Variants in PCDHA5 observed in about 807,000 individuals in gnomAD.
PCDHA5 encodes the protein protocadherin alpha-5.
A neutral mutation model predicts 61.6 loss-of-function variants in PCDHA5; 43 were observed. That is an observed-to-expected ratio of 0.70 (90% CI 0.55 to 0.90). The LOEUF is 0.90. PCDHA5 is among the 40% of genes least tolerant of loss of function. PCDHA5 has a pLI of 0.00. For synonymous variants in PCDHA5, 627 were observed against 543.9 expected, an observed-to-expected ratio of 1.15 and a Z score of -2.13; for missense variants, 1,298 against 1,222.7, an observed-to-expected ratio of 1.06 and a Z score of -0.92.
At chr5:140,850,686 G>C (rs2150493966) in intron 1 of PCDHA5, 4 of 1,598,520 alleles carry the variant, frequency 2.5e-6, no homozygotes, top group Non-Finnish European at 3.4e-6. Flanking sequence ...CACCGAGGGC[G>C]AGTGCGCGCC....
At chr5:141,005,422 A>G (rs1383654342) in intron 3 of PCDHA5, among the ~76,000 whole-genome samples, 3 of 152,132 alleles carry the variant, frequency 2.0e-5, no homozygotes, top group African/African-American at 7.2e-5. Flanking sequence ...AGTCATGCTA[A>G]GAATGGATGA....
In PCDHA5 at chr5:140,830,077, G is replaced by T. The variant is rs2150180808; in HGVS notation, c.2352+5950G>T. The T allele has an allele frequency of 8.1e-6, 13 of 1,613,546 alleles. No homozygotes were observed. In the South Asian group the frequency reaches 1.2e-4, roughly 15 times the overall value. On this transcript the variant is annotated intron_variant, in intron 1 of 3. Transcript: ENST00000529859. Reference sequence around the variant, plus strand: ...ACGGTGAGCCGGCGCTGACAGCGACGGCCACGGTTCTGGTGTCGCTGGTGG... The same window carrying T: ...ACGGTGAGCCGGCGCTGACAGCGACTGCCACGGTTCTGGTGTCGCTGGTGG...
intron 1 of PCDHA5, chr5:140,851,041 G>T: frequency 7.2e-7 from 1 of 1,393,950 alleles, no homozygotes. Context: ...TAACATTGGA[G>T]CCGACTTTGT....
At chr5:140,830,170 G>C in intron 1 of PCDHA5, 1 of 1,613,606 alleles carries the variant, frequency 6.2e-7, no homozygotes, top group Non-Finnish European at 8.5e-7. Flanking sequence ...AGGCGGCGCT[G>C]GTGGATGTCA....
At chr5:140,944,407 G>A (rs1384591675) in intron 1 of PCDHA5, among the ~76,000 whole-genome samples, 2 of 152,036 alleles carry the variant, frequency 1.3e-5, no homozygotes, top group East Asian at 1.9e-4. Context: ...GGCTGGTCTC[G>A]AACTCCTGAT....
chr5:140,860,664 A>T (rs1400061239), intron 1 of PCDHA5: 2 of 152,252 alleles, frequency 1.3e-5, no homozygotes, highest in Non-Finnish European at 2.9e-5. Context: ...AATAATATGA[A>T]ATCAAATGCA....
chr5:140,902,676 C>T (rs781793838), intron 1 of PCDHA5, among the ~76,000 whole-genome samples: 7 of 152,040 alleles, frequency 4.6e-5, no homozygotes, highest in Non-Finnish European at 7.4e-5. Context: ...CAGTGTACAC[C>T]GTACCTAATA....
Position 140,850,049 on chromosome 5 carries a change from C to T in PCDHA5, c.2352+25922C>T, listed in dbSNP as rs1354549642. 22 of 1,596,350 alleles carry T rather than the reference C, an allele frequency of 1.4e-5. 2 individuals carry two copies. Among genetic ancestry groups the T allele is most frequent in the Non-Finnish European group, 1.9e-5 (22 of 1,167,808 alleles). Reference sequence around the variant, plus strand: ...TGCACGCGGAGAGCGGCAAGGTGTACGCGCTGCAGCCGTTGGACCACGAGG... The same window carrying T: ...TGCACGCGGAGAGCGGCAAGGTGTATGCGCTGCAGCCGTTGGACCACGAGG... On this transcript the variant is annotated intron_variant, in intron 1 of 3. Coordinates refer to ENST00000529859, the MANE Select transcript of PCDHA5 (RefSeq NM_018908.3).
intron 1 of PCDHA5, chr5:140,836,153 G>T: frequency 6.2e-7 from 1 of 1,613,816 alleles, no homozygotes; most frequent in Non-Finnish European, 8.5e-7. Context: ...CGGGCCATGT[G>T]GTGGCGAAGG....
rs1454231935 is a variant in PCDHA5, at chr5:140,822,602, T to C, written c.827T>C (p.Ile276Thr). 1.9e-6 allele frequency: 3 copies of C among 1,611,816 alleles called. No individual in the cohort carries two copies. Among genetic ancestry groups the C allele is most frequent in the Non-Finnish European group, 2.5e-6 (3 of 1,178,166 alleles). The change falls in exon 1 of 4, where the codon ATA (isoleucine) becomes ACA (threonine). Residue 276 changes from isoleucine to threonine, a missense_variant. Transcript: ENST00000529859. ...GCAGATGAGGGCATCAATAAGGAAA[T>C]AGTGTATTTCTTTAGTAATCTTGTT... Reference protein sequence around the residue: ...SDADEGINKEIVYFFSNLVLD... With the variant: ...SDADEGINKETVYFFSNLVLD...
Position 140,823,746 on chromosome 5 carries a change from G to C in PCDHA5, c.1971G>C (p.Pro657=). Residue 657 remains proline, a synonymous_variant, in exon 1 of 4, where the codon CCG becomes CCC. Transcript: ENST00000529859. ...LVLVKDHGEP[P]LTATATVLVS... is the part of the protein sequence containing the mutation. ...TGGTGAAGGACCATGGAGAGCCCCC[G>C]CTGACAGCCACAGCCACAGTGCTGG... The C allele has an allele frequency of 1.2e-6, 2 of 1,613,840 alleles. No individual in the cohort carries two copies. Among genetic ancestry groups the C allele is most frequent in the Non-Finnish European group, 1.7e-6 (2 of 1,179,928 alleles).
chr5:140,967,425 C>G, intron 1 of PCDHA5: 2 of 1,613,296 alleles, frequency 1.2e-6, no homozygotes, highest in Non-Finnish European at 1.7e-6. Context: ...CGGGAGCAGG[C>G]AGCCTTGCAC....
intron 1 of PCDHA5, chr5:140,876,574 G>A (rs1554168680): frequency 1.9e-6 from 3 of 1,614,158 alleles, no homozygotes; most frequent in Non-Finnish European, 2.5e-6. Flanking sequence ...GGTGGGTACC[G>A]TCATTGCCCT....
At chr5:140,976,697 T>C (rs2096727777) in intron 1 of PCDHA5, among the ~76,000 whole-genome samples, 1 of 152,224 alleles carries the variant, frequency 6.6e-6, no homozygotes, top group Non-Finnish European at 1.5e-5. Context: ...AGTACAATAA[T>C]GTTGACTTTG....
At chr5:140,934,957 G>A (rs2090122349) in intron 1 of PCDHA5, among the ~76,000 whole-genome samples, 1 of 152,250 alleles carries the variant, frequency 6.6e-6, no homozygotes, top group Non-Finnish European at 1.5e-5. Context: ...GATCCCATGT[G>A]CTTGTCACCC....
At chr5:140,919,183 A>T (rs2079029188) in intron 1 of PCDHA5, among the ~76,000 whole-genome samples, 1 of 152,104 alleles carries the variant, frequency 6.6e-6, no homozygotes, top group Non-Finnish European at 1.5e-5. Context: ...TATCTTCCTG[A>T]TTGGTCCTTT....
intron 1 of PCDHA5, among the ~76,000 whole-genome samples, chr5:140,893,701 C>A (rs1297465606): frequency 6.6e-6 from 1 of 152,104 alleles, no homozygotes; most frequent in African/African-American, 2.4e-5. Context: ...TCTATCCTAG[C>A]CTGTAAAGCT....
rs963313279 is a variant in PCDHA5, at chr5:140,848,520, C to A, written c.2352+24393C>A. On this transcript the variant is annotated intron_variant, in intron 1 of 3. Coordinates refer to ENST00000529859, the MANE Select transcript of PCDHA5 (RefSeq NM_018908.3). Reference sequence around the variant, plus strand: ...AATGTTATACTCAAGTCGAGGAGATCCAGAGGGTCAGCCTCTACTGCTCTC... The same window carrying A: ...AATGTTATACTCAAGTCGAGGAGATACAGAGGGTCAGCCTCTACTGCTCTC... The A allele has an allele frequency of 3.1e-6, 5 of 1,592,812 alleles. 1 individual carries two copies. The Admixed American group carries it at 5.1e-5, about 16-fold the overall frequency.
At chr5:140,854,159 C>CAAAAAA (rs59855104) in intron 1 of PCDHA5, 412 of 341,018 alleles carry the variant, frequency 1.2e-3, no homozygotes, top group Non-Finnish European at 1.4e-3. Flanking sequence ...GATTCTGTCT[C>CAAAAAA]AAAAAAAAAA....
Sources: gnomAD v4.1 joint callset for allele counts (sites outside exome capture counted in the v4.1 genomes callset) on GRCh38, gnomAD v4.1.1 for gene constraint, MANE v1.5 for transcripts, NCBI Gene and HGNC (gene_info 2026-07-23, HGNC 2026-07-21) for gene names.